MYOM1: variants seen among roughly 807,000 people sequenced by gnomAD.
MYOM1 encodes myomesin-1.
In MYOM1, 164 loss-of-function variants were observed where a neutral mutation model predicts 205.3. The ratio of observed to expected loss-of-function variants is 0.80; its 90% CI spans 0.70 to 0.91. The LOEUF (loss-of-function observed/expected upper bound fraction) is 0.91. Among genes scored for constraint, MYOM1 ranks in the 40% least tolerant of loss-of-function variants. The pLI, the probability that MYOM1 is intolerant of heterozygous loss-of-function variation, is 0.00. For synonymous variants in MYOM1, 772 were observed against 789.4 expected, an observed-to-expected ratio of 0.98 and a Z score of 0.37; for missense variants, 2,011 against 2,127.3, an observed-to-expected ratio of 0.95 and a Z score of 1.08.
intron 2 of MYOM1, among the ~76,000 whole-genome samples, chr18:3,204,120 A>G (rs1432193936): frequency 6.6e-6 from 1 of 151,850 alleles, no homozygotes; most frequent in Non-Finnish European, 1.5e-5. Context: ...GATAAAGGCC[A>G]TCTACGAAAA....
chr18:3,095,558 ACT>A (rs1346345617), intron 25 of MYOM1, among the ~76,000 whole-genome samples: 1 of 152,190 alleles, frequency 6.6e-6, no homozygotes, highest in African/African-American at 2.4e-5. Flanking sequence ...ACAAAGTGAG[ACT>A]CTGTCTCAAA....
chr18:3,164,956 T>C (rs2080446622), intron 9 of MYOM1, among the ~76,000 whole-genome samples: 1 of 152,148 alleles, frequency 6.6e-6, no homozygotes, highest in Non-Finnish European at 1.5e-5. Context: ...TAAATCAATA[T>C]AATCAAAAGC....
intron 25 of MYOM1, among the ~76,000 whole-genome samples, chr18:3,095,506 T>C (rs1420783833): frequency 6.6e-6 from 1 of 152,176 alleles, no homozygotes; most frequent in African/African-American, 2.4e-5. Context: ...AGGCGGAGGT[T>C]GCAGTGAGCC....
chr18:3,170,602 TGCAGC>T (rs1411273403), intron 8 of MYOM1, among the ~76,000 whole-genome samples: 2 of 152,184 alleles, frequency 1.3e-5, no homozygotes, highest in Admixed American at 6.5e-5. Context: ...ATTGAGTAAA[TGCAGC>T]CTGCGTAATC....
chr18:3,223,764 A>G (rs1662310), upstream of MYOM1, among the ~76,000 whole-genome samples: 7,795 of 152,324 alleles, frequency 0.051, 276 homozygotes, highest in Admixed American at 0.086. Context: ...CTGCTGGCTC[A>G]CATCTGAAAT....
In MYOM1 at chr18:3,067,575, GGAGAGAA is replaced by G; in HGVS notation, c.4765-27_4765-21del. On this transcript the variant is annotated intron_variant, in intron 37 of 37. Coordinates refer to ENST00000356443, the MANE Select transcript of MYOM1 (RefSeq NM_003803.4). Reference sequence around the variant, plus strand: ...AAGGGCCTGCAAGACAGGTTTTATGGGAGAGAAGAAGATAAATTAGATGTAATAGACA... The same window carrying G: ...AAGGGCCTGCAAGACAGGTTTTATGGGAAGATAAATTAGATGTAATAGACA... 1 of 1,601,996 alleles carries G rather than the reference GGAGAGAA, an allele frequency of 6.2e-7. No homozygotes were observed.
Position 3,089,571 on chromosome 18 carries a change from A to G in MYOM1, c.4035T>C (p.Ala1345=). The G allele has an allele frequency of 6.2e-7, 1 of 1,609,370 alleles. No homozygotes were observed. Among genetic ancestry groups the G allele is most frequent in the African/African-American group, 1.3e-5 (1 of 75,006 alleles). ...TGATCCATTCTTGCCGCTGGAATTC[A>G]GCTTCTTTCTGGAGCTTTTTGAAAA... ...GDVFKKLQKE[A]EFQRQEWIRK... Residue 1345 remains alanine (A), a synonymous_variant, in exon 28 of 38, where the codon GCT becomes GCC. Transcript: ENST00000356443.
intron 12 of MYOM1, among the ~76,000 whole-genome samples, chr18:3,150,606 C>T (rs1210227382): frequency 1.3e-5 from 2 of 152,208 alleles, no homozygotes; most frequent in African/African-American, 4.8e-5. Context: ...AATTACTGGC[C>T]TAAAGTGCCA....
intron 9 of MYOM1, among the ~76,000 whole-genome samples, chr18:3,165,049 G>A (rs1256693479): frequency 6.6e-6 from 1 of 152,086 alleles, no homozygotes; most frequent in Admixed American, 6.5e-5. Context: ...TGATGTAACT[G>A]TTACTGGAGC....
intron 22 of MYOM1, among the ~76,000 whole-genome samples, chr18:3,105,631 G>C (rs1174409497): frequency 6.6e-6 from 1 of 152,114 alleles, no homozygotes; most frequent in Non-Finnish European, 1.5e-5. Flanking sequence ...GTGGCAGGGG[G>C]ATCACTTGAG....
chr18:3,233,119 G>A, the MYOM1 span, among the ~76,000 whole-genome samples: 1 of 152,088 alleles, frequency 6.6e-6, no homozygotes, highest in East Asian at 1.9e-4. Flanking sequence ...AGTTTTTATT[G>A]TGCCTTTATA....
chr18:3,093,430 T>C (rs2079253714), intron 26 of MYOM1: 1 of 152,152 alleles, frequency 6.6e-6, no homozygotes, highest in Non-Finnish European at 1.5e-5. Flanking sequence ...TATGTTTATG[T>C]TAAAAGGAAA....
the MYOM1 span, among the ~76,000 whole-genome samples, chr18:3,235,495 A>C: frequency 6.6e-6 from 1 of 152,240 alleles, no homozygotes; most frequent in Admixed American, 6.5e-5. Flanking sequence ...CATGGCTTAG[A>C]AGTCACTGAG....
chr18:3,206,999 T>A (rs908525671), intron 2 of MYOM1, among the ~76,000 whole-genome samples: 1 of 152,072 alleles, frequency 6.6e-6, no homozygotes, highest in African/African-American at 2.4e-5. Context: ...CACTTTCAGT[T>A]TTTTTTAAAA....
At chr18:3,227,158 T>A in the MYOM1 span, among the ~76,000 whole-genome samples, 3 of 152,096 alleles carry the variant, frequency 2.0e-5, no homozygotes, top group African/African-American at 7.2e-5. Flanking sequence ...TTCCAAATGA[T>A]GAGATGCTTT....
Position 3,214,981 on chromosome 18 carries a change from T to A in MYOM1, c.243A>T (p.Glu81Asp), listed in dbSNP as rs2081242388. ...AGGCTGAGGCTGCCTTCCGACTGACTTCAGAGCTCAGGGCGTGCTGCGAGG... is the reference window on the plus strand; with the variant it reads ...AGGCTGAGGCTGCCTTCCGACTGACATCAGAGCTCAGGGCGTGCTGCGAGG... Reference protein sequence around the residue: ...QQASQHALSSEVSRKAASAYD... With the variant: ...QQASQHALSSDVSRKAASAYD... Residue 81 changes from glutamate (E) to aspartate (D), a missense_variant, in exon 2 of 38, where the codon GAA becomes GAT. By Grantham distance (45) the Glu-to-Asp change is conservative. Transcript: ENST00000356443. 2 of 1,610,664 alleles carry A rather than the reference T, an allele frequency of 1.2e-6. No homozygotes were observed. The highest frequency in any genetic ancestry group is 2.2e-5 in the South Asian group (2 of 90,880).
intron 22 of MYOM1, among the ~76,000 whole-genome samples, chr18:3,107,787 C>A (rs2079471118): frequency 6.6e-6 from 1 of 152,202 alleles, no homozygotes; most frequent in South Asian, 2.1e-4. Context: ...CATTCCTGAG[C>A]ACAGGCTAAG....
chr18:3,188,138 A>T (rs986014052), intron 4 of MYOM1, among the ~76,000 whole-genome samples: 4 of 151,944 alleles, frequency 2.6e-5, no homozygotes, highest in African/African-American at 9.7e-5. Flanking sequence ...GCCACACCTG[A>T]TCATATTTTA....
At chr18:3,080,800 G>A (rs2079076263) in intron 33 of MYOM1, among the ~76,000 whole-genome samples, 1 of 152,118 alleles carries the variant, frequency 6.6e-6, no homozygotes, top group Admixed American at 6.5e-5. Context: ...GCCATAAAAT[G>A]TAAAGACAGA....
Sources: allele counts gnomAD v4.1 joint callset (sites outside exome capture counted in the v4.1 genomes callset), GRCh38; gene constraint gnomAD v4.1.1; transcripts MANE v1.5; gene names NCBI Gene and HGNC (gene_info 2026-07-23, HGNC 2026-07-21).